EFHC1: variants seen among roughly 807,000 people sequenced by gnomAD.
EFHC1 encodes the protein EF-hand domain containing 1, also known as EF-hand domain-containing protein 1.
Under a neutral mutation model 69.9 loss-of-function variants are expected in EFHC1, and 53 were observed. The ratio of observed to expected loss-of-function variants is 0.76; its 90% CI spans 0.61 to 0.95. EFHC1 has a LOEUF of 0.95. EFHC1 is among the 40% of genes least tolerant of loss of function. EFHC1 has a pLI of 0.00. For synonymous variants in EFHC1, 256 were observed against 278.4 expected (o/e 0.92, Z 0.80); for missense variants, 739 against 798.7 (o/e 0.93, Z 0.90).
intron 9 of EFHC1, chr6:52,487,581 A>G (rs1308847758): frequency 6.6e-6 from 1 of 152,168 alleles, no homozygotes; most frequent in Non-Finnish European, 1.5e-5. Flanking sequence ...TTTCTAGCAC[A>G]CCTGCTCTTC....
intron 2 of EFHC1, among the ~76,000 whole-genome samples, chr6:52,434,902 T>C (rs1219571392): frequency 2.7e-5 from 4 of 150,116 alleles, no homozygotes; most frequent in Admixed American, 6.6e-5. Flanking sequence ...TATATATATA[T>C]ACATACACAC....
intron 10 of EFHC1, among the ~76,000 whole-genome samples, chr6:52,491,664 C>T (rs139159854): frequency 3.9e-5 from 6 of 152,148 alleles, no homozygotes; most frequent in African/African-American, 1.4e-4. Flanking sequence ...CGAGAGTTAA[C>T]GAAGGAAGAT....
chr6:52,452,866 T>C (rs1764948984), intron 4 of EFHC1, 29 bp downstream of exon 4: 1 of 1,613,818 alleles, frequency 6.2e-7, no homozygotes, highest in Non-Finnish European at 8.5e-7. Flanking sequence ...ACAATAGGCT[T>C]ACTTATTTCC....
chr6:52,464,696 G>A (rs371035715), intron 5 of EFHC1, among the ~76,000 whole-genome samples, 199 bp from the exon 6 acceptor site: 6 of 152,182 alleles, frequency 3.9e-5, no homozygotes, highest in East Asian at 1.9e-4. Context: ...CACAAAAACC[G>A]TATTATGTAC....
At chr6:52,490,667 A>ACTT in intron 10 of EFHC1, 1 of 554,932 alleles carries the variant, frequency 1.8e-6, no homozygotes, top group Non-Finnish European at 3.2e-6. Context: ...AGACTCAAAG[A>ACTT]TAAGTTGATA....
intron 4 of EFHC1, chr6:52,453,494 T>C (rs1349242981): frequency 7.8e-7 from 1 of 1,287,052 alleles, no homozygotes; most frequent in Non-Finnish European, 1.0e-6. Context: ...ATTTAACCCC[T>C]TTTAGTTCAG....
At chr6:52,491,298 G>A (rs1252023933) in intron 10 of EFHC1, among the ~76,000 whole-genome samples, 1 of 152,202 alleles carries the variant, frequency 6.6e-6, no homozygotes, top group Non-Finnish European at 1.5e-5. Flanking sequence ...GAGAGGGATG[G>A]CAGTCATTGG....
intron 5 of EFHC1, among the ~76,000 whole-genome samples, chr6:52,464,611 A>G (rs1198003879): frequency 1.3e-5 from 2 of 152,198 alleles, no homozygotes; most frequent in African/African-American, 4.8e-5. Flanking sequence ...TCCTGTAGTG[A>G]TTTATTTTAA....
intron 9 of EFHC1, chr6:52,487,707 G>A (rs1437445470): frequency 6.6e-6 from 1 of 152,160 alleles, no homozygotes; most frequent in African/African-American, 2.4e-5. Context: ...TCTTACCTCT[G>A]GAAGATTAGC....
At chr6:52,436,890 C>T (rs574716778) in intron 2 of EFHC1, among the ~76,000 whole-genome samples, 1 of 152,188 alleles carries the variant, frequency 6.6e-6, no homozygotes, top group Non-Finnish European at 1.5e-5. Flanking sequence ...GATCTGCCTG[C>T]CTTGGCCTCC....
chr6:52,439,627 A>C (rs545387080), intron 3 of EFHC1, among the ~76,000 whole-genome samples: 1 of 152,288 alleles, frequency 6.6e-6, no homozygotes, highest in African/African-American at 2.4e-5. Flanking sequence ...TGATAACAGC[A>C]ATGGAGGAAA....
intron 5 of EFHC1, among the ~76,000 whole-genome samples, chr6:52,463,247 C>G (rs933547208): frequency 6.7e-6 from 1 of 149,602 alleles, no homozygotes; most frequent in Non-Finnish European, 1.5e-5. Flanking sequence ...ACCGTGTTAG[C>G]CAGCGTGGTT....
chr6:52,467,569 C>A (rs1164751318), intron 6 of EFHC1, among the ~76,000 whole-genome samples: 1 of 151,942 alleles, frequency 6.6e-6, no homozygotes, highest in Non-Finnish European at 1.5e-5. Context: ...TTTCTCCTAA[C>A]CTATCTTGAA....
At chr6:52,482,645 A>G (rs555024212) in intron 9 of EFHC1, 8 of 394,226 alleles carry the variant, frequency 2.0e-5, no homozygotes, top group Non-Finnish European at 3.6e-5. Context: ...TTTGCTTTCA[A>G]TGTTATAAAA....
chr6:52,467,096 A>G (rs1765322649), intron 6 of EFHC1, among the ~76,000 whole-genome samples: 1 of 152,146 alleles, frequency 6.6e-6, no homozygotes, highest in Non-Finnish European at 1.5e-5. Flanking sequence ...TTCAGTTAAT[A>G]GATAAGGATG....
intron 9 of EFHC1, chr6:52,487,830 C>T (rs1329282899): frequency 6.6e-6 from 1 of 152,308 alleles, no homozygotes; most frequent in Non-Finnish European, 1.5e-5. Context: ...TTGGCAGTCC[C>T]TGTTGGACAT....
At chr6:52,476,389 T>C (rs112474522) in intron 7 of EFHC1, among the ~76,000 whole-genome samples, 601 of 152,316 alleles carry the variant, frequency 3.9e-3, no homozygotes, top group Non-Finnish European at 5.9e-3. Context: ...CACACTGCTG[T>C]AATCATGGTT....
rs1276328391 is a variant in EFHC1 at position 52,479,744 on chromosome 6, A to C, written c.1597A>C (p.Asn533His). 1 of 1,614,224 alleles carries C rather than the reference A, an allele frequency of 6.2e-7. No individual in the cohort carries two copies. Among genetic ancestry groups the C allele is most frequent in the African/African-American group, 1.3e-5 (1 of 75,062 alleles). ...ACCAGAAGCACTCGCGTCAATTCAG[A>C]ACCATGTCCGAAAGCGAGAAGCGCC... ...YSPEALASIQ[N>H]HVRKREAPAP... Residue 533 changes from asparagine to histidine, a missense_variant, in exon 9 of 11, where the codon AAC becomes CAC. Coordinates refer to ENST00000371068, the MANE Select transcript of EFHC1 (RefSeq NM_018100.4).
intron 3 of EFHC1, among the ~76,000 whole-genome samples, chr6:52,451,685 A>G (rs950629528): frequency 5.3e-5 from 8 of 152,192 alleles, no homozygotes; most frequent in African/African-American, 1.4e-4. Flanking sequence ...TGGCCTCTCT[A>G]GCGAGGTTGA....
Sources: gnomAD v4.1 joint callset for allele counts (sites outside exome capture counted in the v4.1 genomes callset) on GRCh38, gnomAD v4.1.1 for gene constraint, MANE v1.5 for transcripts, NCBI Gene and HGNC (gene_info 2026-07-23, HGNC 2026-07-21) for gene names.